Variants in LINGO2 observed in about 807,000 individuals in gnomAD.
LINGO2 encodes leucine rich repeat and Ig domain containing 2, also known as leucine-rich repeat and immunoglobulin-like domain-containing nogo receptor-interacting protein 2.
Under a neutral mutation model 30.6 loss-of-function variants are expected in LINGO2, and 14 were observed. The observed-to-expected ratio is 0.46, with a 90% CI of 0.30 to 0.72. The LOEUF (loss-of-function observed/expected upper bound fraction) is 0.72. Among genes scored for constraint, LINGO2 ranks in the 30% least tolerant of loss-of-function variants. LINGO2 has a pLI of 0.07. For synonymous variants in LINGO2, 317 were observed against 288.5 expected, an observed-to-expected ratio of 1.10 and a Z score of -1.00; for missense variants, 729 against 751.7, an observed-to-expected ratio of 0.97 and a Z score of 0.35.
the LINGO2 span, among the ~76,000 whole-genome samples, chr9:28,939,255 C>T: frequency 6.6e-6 from 1 of 152,146 alleles, no homozygotes; most frequent in African/African-American, 2.4e-5. Context: ...TCCTCCTCTG[C>T]TAGGACCTCC....
chr9:28,003,694 C>A (rs1587665601), intron 5 of LINGO2, among the ~76,000 whole-genome samples: 1 of 152,180 alleles, frequency 6.6e-6, no homozygotes, highest in African/African-American at 2.4e-5. Flanking sequence ...ATCTCCTGAC[C>A]TTGTGATCCG....
chr9:28,272,173 C>A (rs989831409), intron 4 of LINGO2, among the ~76,000 whole-genome samples: 1 of 152,118 alleles, frequency 6.6e-6, no homozygotes, highest in African/African-American at 2.4e-5. Flanking sequence ...CTGTTCTCTC[C>A]CCTTTGCCTA....
intron 2 of LINGO2, among the ~76,000 whole-genome samples, chr9:28,388,367 T>G (rs1372857700): frequency 6.6e-6 from 1 of 152,214 alleles, no homozygotes; most frequent in Non-Finnish European, 1.5e-5. Context: ...ACATTGCTGC[T>G]GTTAACGTTC....
At chr9:28,442,594 A>C (rs1824244434) in intron 2 of LINGO2, among the ~76,000 whole-genome samples, 1 of 152,130 alleles carries the variant, frequency 6.6e-6, no homozygotes, top group Admixed American at 6.5e-5. Context: ...TTAGGGCCAA[A>C]GGAACATATA....
At chr9:28,752,265 C>A in the LINGO2 span, among the ~76,000 whole-genome samples, 2 of 151,920 alleles carry the variant, frequency 1.3e-5, no homozygotes, top group Non-Finnish European at 2.9e-5. Flanking sequence ...TATGAATGAC[C>A]TTTCTTGGTG....
the LINGO2 span, among the ~76,000 whole-genome samples, chr9:29,146,855 A>T: frequency 2.0e-5 from 3 of 152,194 alleles, no homozygotes; most frequent in Non-Finnish European, 1.5e-5. Flanking sequence ...TTAAATGGAG[A>T]AATACACAAA....
chr9:28,189,123 G>T, intron 4 of LINGO2, among the ~76,000 whole-genome samples: 1 of 151,886 alleles, frequency 6.6e-6, no homozygotes, highest in Non-Finnish European at 1.5e-5. Flanking sequence ...TCAGAACAAA[G>T]TTCCTGAGGT....
At chr9:29,006,188 C>T in the LINGO2 span, among the ~76,000 whole-genome samples, 1 of 151,722 alleles carries the variant, frequency 6.6e-6, no homozygotes, top group South Asian at 2.1e-4. Flanking sequence ...TACACACAAA[C>T]ATATAAACAA....
At chr9:28,305,916 G>C (rs1158361356) in intron 3 of LINGO2, among the ~76,000 whole-genome samples, 1 of 152,046 alleles carries the variant, frequency 6.6e-6, no homozygotes, top group African/African-American at 2.4e-5. Flanking sequence ...AGGCATTCCA[G>C]TTTGTGAGCT....
At chr9:28,239,492 C>T (rs1304417204) in intron 4 of LINGO2, among the ~76,000 whole-genome samples, 1 of 152,096 alleles carries the variant, frequency 6.6e-6, no homozygotes, top group Non-Finnish European at 1.5e-5. Flanking sequence ...ATATGCAAAT[C>T]AATCACTGTG....
chr9:29,052,381 C>T, the LINGO2 span, among the ~76,000 whole-genome samples: 1 of 152,070 alleles, frequency 6.6e-6, no homozygotes, highest in Non-Finnish European at 1.5e-5. Flanking sequence ...AGTCATTTTA[C>T]ATATATAATA....
At chr9:29,037,333 T>C in the LINGO2 span, among the ~76,000 whole-genome samples, 2 of 151,174 alleles carry the variant, frequency 1.3e-5, no homozygotes, top group Non-Finnish European at 2.9e-5. Context: ...TGAAATTTTA[T>C]ATGTTATGAA....
At chr9:28,506,399 CATATATATATATAT>C (rs371821368) in intron 1 of LINGO2, among the ~76,000 whole-genome samples, 4,365 of 26,116 alleles carry the variant, frequency 0.17, 169 homozygotes, top group Middle Eastern at 0.38. Flanking sequence ...GCTTCTTAGA[CATATATATATATAT>C]ATATATATAC....
intron 2 of LINGO2, among the ~76,000 whole-genome samples, chr9:28,385,548 A>C (rs1292950249): frequency 6.6e-6 from 1 of 152,190 alleles, no homozygotes; most frequent in Non-Finnish European, 1.5e-5. Context: ...AAATAAAATT[A>C]GGCTTTGTGG....
intron 1 of LINGO2, among the ~76,000 whole-genome samples, chr9:28,485,688 C>T (rs1438353109): frequency 6.6e-6 from 1 of 152,050 alleles, no homozygotes; most frequent in African/African-American, 2.4e-5. Context: ...CCACAGCATG[C>T]AACAACCCTG....
chr9:28,456,615 G>T (rs1824857885), intron 2 of LINGO2, among the ~76,000 whole-genome samples: 1 of 152,134 alleles, frequency 6.6e-6, no homozygotes, highest in African/African-American at 2.4e-5. Flanking sequence ...TTGCCCAGTA[G>T]TCTACCCATT....
Position 28,002,923 on chromosome 9 carries a change from G to A in LINGO2, c.-36+9432C>T, listed in dbSNP as rs781046122. Reference sequence around the variant, plus strand: ...AGTGCGTGTCAGTGTATGTGTGAGTGTGCCCTACAATGGGATGGCATCCTG... The same window carrying A: ...AGTGCGTGTCAGTGTATGTGTGAGTATGCCCTACAATGGGATGGCATCCTG... On this transcript the variant is annotated intron_variant, in intron 5 of 5. Transcript: ENST00000379992. 4.6e-5 allele frequency among the ~76,000 whole-genome samples: 7 copies of A among 152,100 alleles called. No individual in the cohort carries two copies. The South Asian group carries it at 8.3e-4, about 18-fold the overall frequency.
chr9:28,863,310 A>C, the LINGO2 span, among the ~76,000 whole-genome samples: 1 of 152,162 alleles, frequency 6.6e-6, no homozygotes, highest in Non-Finnish European at 1.5e-5. Flanking sequence ...TAAGGGGCTG[A>C]TTCAATTAAT....
At chr9:28,306,638 G>T (rs531469383) in intron 3 of LINGO2, among the ~76,000 whole-genome samples, 1 of 152,224 alleles carries the variant, frequency 6.6e-6, no homozygotes, top group African/African-American at 2.4e-5. Flanking sequence ...ATGAATCCAG[G>T]AGCTGGTTTT....
Sources: gnomAD v4.1 joint callset for allele counts (sites outside exome capture counted in the v4.1 genomes callset) on GRCh38, gnomAD v4.1.1 for gene constraint, MANE v1.5 for transcripts, NCBI Gene and HGNC (gene_info 2026-07-23, HGNC 2026-07-21) for gene names.